ITGA2B: variants seen among roughly 807,000 people sequenced by gnomAD.
The protein encoded by ITGA2B is integrin subunit alpha 2b.
Under a neutral mutation model 142.0 loss-of-function variants are expected in ITGA2B, and 91 were observed. The observed-to-expected ratio is 0.64, with a 90% CI of 0.54 to 0.76. The LOEUF (loss-of-function observed/expected upper bound fraction) is 0.76. ITGA2B is among the 30% of genes least tolerant of loss of function. The pLI is 0.00. For missense variants in ITGA2B, 1,231 were observed against 1,350.8 expected (o/e 0.91, Z 1.39); for synonymous variants, 536 against 567.2 (o/e 0.94, Z 0.78).
chr17:44,374,976 G>GCCCC, intron 27 of ITGA2B, 22 bp downstream of exon 27: 5 of 549,298 alleles, frequency 9.1e-6, no homozygotes, highest in Non-Finnish European at 1.4e-5. Context: ...GCCCGGCCCC[G>GCCCC]CCCCACCACG....
At position 44,383,645 on chromosome 17, in the gene ITGA2B, A is replaced by G. The variant is rs1340921895; in HGVS notation, c.1058T>C (p.Leu353Pro). 1 of 1,600,918 alleles carries G rather than the reference A, an allele frequency of 6.2e-7. No individual in the cohort carries two copies. Among genetic ancestry groups the G allele is most frequent in the South Asian group, 1.1e-5 (1 of 88,788 alleles). ...CAAATACACACGCCCCACTTCGGCC[A>G]GTTTTCGGTCTGCCCGGCTCTCCAT... ...LYMESRADRK[L>P]AEVGRVYLFL... The change falls in exon 12 of 30, where the codon CTG becomes CCG. Residue 353 changes from leucine (L) to proline (P), a missense_variant. Leu to Pro is a moderately conservative substitution (Grantham distance 98). Transcript: ENST00000262407.
At chr17:44,378,112 C>T (rs2048560953) in intron 20 of ITGA2B, among the ~76,000 whole-genome samples, 1 of 152,100 alleles carries the variant, frequency 6.6e-6, no homozygotes, top group South Asian at 2.1e-4. Context: ...AGGAAATCCA[C>T]CAAATGTTAA....
Position 44,380,966 on chromosome 17 carries a change from G to T in ITGA2B, c.1306C>A (p.Gln436Lys). 6.2e-7 allele frequency: 1 copy of T among 1,614,092 alleles called. No homozygotes were observed. Among genetic ancestry groups the T allele is most frequent in the Non-Finnish European group, 8.5e-7 (1 of 1,179,926 alleles). The change falls in exon 13 of 30, where the codon CAG (glutamine) becomes AAG (lysine). Residue 436 changes from glutamine to lysine, a missense_variant. Coordinates refer to ENST00000262407, the MANE Select transcript of ITGA2B (RefSeq NM_000419.5). ...QSEGLRSRPSQVLDSPFPTGS... is the reference protein window; with the variant it reads ...QSEGLRSRPSKVLDSPFPTGS... ...GTGGGGAAGGGGCTGTCCAGGACCTGGGAGGGACGTGACCTCAGCCCCTCA... is the reference window on the plus strand; with the variant it reads ...GTGGGGAAGGGGCTGTCCAGGACCTTGGAGGGACGTGACCTCAGCCCCTCA...
In ITGA2B at chr17:44,385,391, C is replaced by A. The variant is rs12940416; in HGVS notation, c.575-56G>T. 5.8e-3 allele frequency: 9,093 copies of A among 1,577,450 alleles called. 458 individuals are homozygous for A. In the African/African-American group the frequency reaches 0.11, roughly 19 times the overall value. On this transcript the variant is annotated intron_variant, in intron 4 of 29. Coordinates refer to ENST00000262407, the MANE Select transcript of ITGA2B (RefSeq NM_000419.5). ...AGGGGTGAAGGGAGGCGCGCGCGAG[C>A]CCGGAGGAGGGCTGGGGGACAGGGG... is the stretch of plus-strand genomic sequence containing the variant.
chr17:44,373,900 A>G lies in ITGA2B; in HGVS notation c.3060+454T>C, dbSNP rs528641997. On this transcript the variant is annotated intron_variant, in intron 29 of 29. Coordinates refer to ENST00000262407, the MANE Select transcript of ITGA2B (RefSeq NM_000419.5). ...CTTTTTTGCTCTACTAGAGAAAGAC[A>G]TTCTATTTTTTTCTTTTTTTTTTGA... 34 of 200,720 alleles carry G rather than the reference A, an allele frequency of 1.7e-4. No individual in the cohort carries two copies. In the South Asian group the frequency reaches 2.4e-3, roughly 14 times the overall value. 12.4% of individuals were successfully genotyped at this position (200,720 alleles called of 1,614,324 possible).
chr17:44,380,710 C>T (rs62081210), intron 13 of ITGA2B, 65 bp from the exon 14 acceptor site: 4 of 1,610,156 alleles, frequency 2.5e-6, no homozygotes, highest in Non-Finnish European at 3.4e-6. Flanking sequence ...CTCATCTTCC[C>T]AGGGGTTCCC....
At position 44,375,070 on chromosome 17, in the gene ITGA2B, C is replaced by G; in HGVS notation, c.2769G>C (p.Leu923=). Residue 923 remains leucine, a synonymous_variant, in exon 27 of 30, where the codon CTG becomes CTC. Coordinates refer to ENST00000262407, the MANE Select transcript of ITGA2B (RefSeq NM_000419.5). ...CCCGCTGCCCGCGCGCCATCTCCTGCAGGTCACACTGCACCACAGTACAGG... is the reference window on the plus strand; with the variant it reads ...CCCGCTGCCCGCGCGCCATCTCCTGGAGGTCACACTGCACCACAGTACAGG... ...SAPCTVVQCD[L]QEMARGQRAM... is the part of the protein sequence containing the mutation. 6.5e-7 allele frequency: 1 copy of G among 1,548,714 alleles called. No individual in the cohort carries two copies. The highest frequency in any genetic ancestry group is 2.4e-5 in the East Asian group (1 of 40,888).
intron 29 of ITGA2B, 64 bp from the exon 30 acceptor site, chr17:44,372,487 G>T: frequency 1.4e-6 from 2 of 1,473,178 alleles, no homozygotes; most frequent in South Asian, 1.2e-5. Flanking sequence ...GAGCACATGT[G>T]AGGAAGTATG....
rs992856733 is a variant in ITGA2B, at chr17:44,383,388, T to C, written c.1210+105A>G. ...CCCATGTGTCTAAGCCACATACTTA[T>C]ATGCTTAAAACCCATCCTGGTTCTG... On this transcript the variant is annotated intron_variant, in intron 12 of 29. Transcript: ENST00000262407. The C allele has an allele frequency of 1.7e-5, 18 of 1,054,712 alleles. No homozygotes were observed. The highest frequency in any genetic ancestry group is 2.5e-5 in the Non-Finnish European group (18 of 708,848). 65.3% of individuals were successfully genotyped at this position (1,054,712 alleles called of 1,614,324 possible). A position where few individuals can be genotyped will look rare whatever the true frequency, so the allele number is the denominator to read the frequency against.
At chr17:44,378,334 G>A in intron 20 of ITGA2B, 28 bp downstream of exon 20, 1 of 1,600,220 alleles carries the variant, frequency 6.2e-7, no homozygotes, top group Non-Finnish European at 8.5e-7. Flanking sequence ...CCAGGTCCCG[G>A]GTACTGTTCC....
Position 44,380,994 on chromosome 17 carries a change from C to G in ITGA2B, c.1278G>C (p.Gln426His). ...AGGGACGTGACCTCAGCCCCTCACT[C>G]TGACCCAGGAACACCAGCACTTGGC... ...GRGQVLVFLG[Q>H]SEGLRSRPSQ... Residue 426 changes from glutamine to histidine, a missense_variant, in exon 13 of 30, where the codon CAG (glutamine) becomes CAC (histidine). Coordinates refer to ENST00000262407, the MANE Select transcript of ITGA2B (RefSeq NM_000419.5). 6.2e-7 allele frequency: 1 copy of G among 1,613,464 alleles called. No individual in the cohort carries two copies. Among genetic ancestry groups the G allele is most frequent in the Non-Finnish European group, 8.5e-7 (1 of 1,179,558 alleles).
intron 18 of ITGA2B, among the ~76,000 whole-genome samples, 165 bp from the exon 19 acceptor site, chr17:44,378,875 A>C (rs2048568789): frequency 6.6e-6 from 1 of 152,092 alleles, no homozygotes; most frequent in African/African-American, 2.4e-5. Context: ...GCTCGGGTTT[A>C]TTTGGAGGTT....
At chr17:44,375,209 G>T in intron 26 of ITGA2B, 98 bp from the exon 27 acceptor site, 1 of 1,009,628 alleles carries the variant, frequency 9.9e-7, no homozygotes. Flanking sequence ...AGGGGCCGGG[G>T]GTTCAGGAAG....
At chr17:44,382,099 C>G (rs937292696) in intron 12 of ITGA2B, among the ~76,000 whole-genome samples, 2 of 152,082 alleles carry the variant, frequency 1.3e-5, no homozygotes, top group African/African-American at 4.8e-5. Flanking sequence ...GAAGAGGTTT[C>G]CTTCCTTCAC....
Position 44,384,572 on chromosome 17 carries a change from G to T in ITGA2B, c.813C>A (p.Ala271=), listed in dbSNP as rs756241246. 3 of 1,613,968 alleles carry T rather than the reference G, an allele frequency of 1.9e-6. No homozygotes were observed. ...YFDGYWGYSV[A]VGEFDGDLNT... is the part of the protein sequence containing the mutation. ...TGAGATCCCCGTCGAACTCGCCCACGGCCACCGAGTACCCTGAGGACAAGG... is the reference window on the plus strand; with the variant it reads ...TGAGATCCCCGTCGAACTCGCCCACTGCCACCGAGTACCCTGAGGACAAGG... Residue 271 remains alanine (A), a synonymous_variant, in exon 8 of 30, where the codon GCC becomes GCA. Coordinates refer to ENST00000262407, the MANE Select transcript of ITGA2B (RefSeq NM_000419.5).
At chr17:44,377,826 G>T in intron 20 of ITGA2B, 36 bp from the exon 21 acceptor site, 3 of 1,219,854 alleles carry the variant, frequency 2.5e-6, no homozygotes, top group Non-Finnish European at 2.3e-6. Flanking sequence ...AAATTACAGA[G>T]CATCATATAT....
Position 44,374,706 on chromosome 17 carries a change from G to C in ITGA2B, c.2896C>G (p.Leu966Val). ...QSHAWFNVSS[L>V]PYAVPPLSLP... ...CTGAGCGGGGGCACCGCATAGGGGA[G>C]GGAGGACACGTTGAACCATGCGTGC... Residue 966 changes from leucine to valine, a missense_variant, in exon 28 of 30, where the codon CTC (leucine) becomes GTC (valine). By Grantham distance (32) the Leu-to-Val change is conservative. Around this residue, in one of 3 missense-constraint regions of ITGA2B, gnomAD observed 908 missense variants for 1,021.1 expected, o/e 0.89. Transcript: ENST00000262407. The C allele has an allele frequency of 1.2e-6, 2 of 1,614,130 alleles. No homozygotes were observed. Among genetic ancestry groups the C allele is most frequent in the Non-Finnish European group, 1.7e-6 (2 of 1,180,010 alleles).
chr17:44,386,270 A>T (rs2048649155), intron 1 of ITGA2B, 139 bp from the exon 2 acceptor site: 1 of 1,259,904 alleles, frequency 7.9e-7, no homozygotes, highest in African/African-American at 1.5e-5. Flanking sequence ...CTCACAGACC[A>T]CCGTGATGTA....
chr17:44,375,146 C>G, intron 26 of ITGA2B, 35 bp from the exon 27 acceptor site: 1 of 1,510,744 alleles, frequency 6.6e-7, no homozygotes, highest in South Asian at 1.2e-5. Context: ...CAGCCCGTCC[C>G]GGCCCATCAC....
Sources: gnomAD v4.1 joint callset for allele counts (sites outside exome capture counted in the v4.1 genomes callset) on GRCh38, gnomAD v4.1.1 for gene constraint, gnomAD v4.1.1 regional missense constraint, MANE v1.5 for transcripts, NCBI Gene and HGNC (gene_info 2026-07-23, HGNC 2026-07-21) for gene names.